MMP26: variants seen among roughly 807,000 people sequenced by gnomAD.
MMP26 encodes the protein matrix metalloproteinase-26.
Under a neutral mutation model 31.0 loss-of-function variants are expected in MMP26, and 33 were observed. The observed-to-expected ratio is 1.06, with a 90% confidence interval of 0.81 to 1.42. MMP26 has a LOEUF of 1.42. MMP26 is among the 40% of genes most tolerant of loss of function. The pLI is 0.00. For missense variants in MMP26, 347 were observed against 316.1 expected (o/e 1.10, Z -0.74); for synonymous variants, 122 against 114.9 (o/e 1.06, Z -0.40).
chr11:4,878,208 G>A (rs1288740611), intron 2 of MMP26: 1 of 152,014 alleles, frequency 6.6e-6, no homozygotes, highest in Non-Finnish European at 1.5e-5. Flanking sequence ...TGCATGTATT[G>A]GTAGTTTATT....
At chr11:4,795,944 T>C (rs1849102564) in intron 2 of MMP26, among the ~76,000 whole-genome samples, 1 of 152,196 alleles carries the variant, frequency 6.6e-6, no homozygotes, top group Non-Finnish European at 1.5e-5. Flanking sequence ...TTTTCATGAT[T>C]CTGCCTCTTT....
intron 2 of MMP26, among the ~76,000 whole-genome samples, chr11:4,843,892 C>G (rs893266476): frequency 6.6e-6 from 1 of 151,818 alleles, no homozygotes; most frequent in Non-Finnish European, 1.5e-5. Context: ...TGGGTGTACA[C>G]CGTTATAAGA....
intron 2 of MMP26, among the ~76,000 whole-genome samples, chr11:4,987,458 G>A (rs1392473383): frequency 1.3e-5 from 2 of 149,998 alleles, no homozygotes; most frequent in Non-Finnish European, 3.0e-5. Flanking sequence ...TCCCTCTGTC[G>A]CCCAGGCTGG....
intron 2 of MMP26, among the ~76,000 whole-genome samples, chr11:4,977,714 A>T (rs571780829): frequency 1.3e-5 from 2 of 152,088 alleles, no homozygotes; most frequent in South Asian, 4.1e-4. Context: ...CAGAAGCGAC[A>T]GGTGAACTGT....
At position 4,940,506 on chromosome 11, in the gene MMP26, T is replaced by G. The variant is rs139928298; in HGVS notation, c.-144-47562T>G. Among the ~76,000 whole-genome samples, 23 of 152,316 alleles carry G rather than the reference T, an allele frequency of 1.5e-4. No individual in the cohort carries two copies. In the East Asian group the frequency reaches 4.4e-3, roughly 29 times the overall value. On this transcript the variant is annotated intron_variant, in intron 2 of 7. Coordinates refer to ENST00000380390, the MANE Select transcript of MMP26 (RefSeq NM_021801.5). ...TTTGTCTTACCATTTTAAATCAGTG[T>G]GATACTTTGCTATAAAATCAGTGAT...
chr11:4,835,042 C>T (rs551057147), intron 2 of MMP26, among the ~76,000 whole-genome samples: 24 of 152,100 alleles, frequency 1.6e-4, no homozygotes, highest in Non-Finnish European at 3.5e-4. Flanking sequence ...AAGTCTTAAG[C>T]CTCTTGGTTA....
chr11:4,721,410 A>G (rs913051507), intron 1 of MMP26, among the ~76,000 whole-genome samples: 6 of 152,110 alleles, frequency 3.9e-5, no homozygotes, highest in African/African-American at 1.2e-4. Context: ...TCTCCTTTCT[A>G]CCAAATATCT....
intron 2 of MMP26, among the ~76,000 whole-genome samples, chr11:4,827,137 T>C (rs1421772582): frequency 6.6e-6 from 1 of 152,152 alleles, no homozygotes; most frequent in Non-Finnish European, 1.5e-5. Context: ...ATGAGTCTGA[T>C]TGCTGTAACA....
intron 1 of MMP26, chr11:4,722,828 G>A (rs1371048659): frequency 7.6e-6 from 7 of 917,460 alleles, no homozygotes; most frequent in Middle Eastern, 3.1e-4. Context: ...AGCTGGTGTG[G>A]CTGAAGGAGC....
intron 1 of MMP26, chr11:4,736,699 G>C (rs568493398): frequency 6.6e-6 from 1 of 152,356 alleles, no homozygotes; most frequent in Admixed American, 6.5e-5. Flanking sequence ...CAAGATGGTA[G>C]TATACCTCGG....
chr11:4,835,893 C>T (rs113045611), intron 2 of MMP26, among the ~76,000 whole-genome samples: 322 of 152,158 alleles, frequency 2.1e-3, no homozygotes, highest in African/African-American at 7.4e-3. Flanking sequence ...TATTGAATAT[C>T]TCTATGTTCC....
chr11:4,927,374 A>G (rs753155435), intron 2 of MMP26, among the ~76,000 whole-genome samples: 2 of 152,186 alleles, frequency 1.3e-5, no homozygotes, highest in Non-Finnish European at 2.9e-5. Context: ...GAATGAAGAG[A>G]AAAGAGATGA....
At chr11:4,885,213 G>T (rs1850531491) in intron 2 of MMP26, among the ~76,000 whole-genome samples, 1 of 151,966 alleles carries the variant, frequency 6.6e-6, no homozygotes, top group African/African-American at 2.4e-5. Context: ...GAGTTTTTCT[G>T]ATTATGAGTG....
chr11:4,908,015 T>A (rs1176570398), intron 2 of MMP26: 1 of 1,614,088 alleles, frequency 6.2e-7, no homozygotes, highest in Non-Finnish European at 8.5e-7. Context: ...GATTGTTTTG[T>A]CTTATGTGCT....
chr11:4,835,704 T>A (rs1234499963), intron 2 of MMP26, among the ~76,000 whole-genome samples: 1 of 152,174 alleles, frequency 6.6e-6, no homozygotes, highest in African/African-American at 2.4e-5. Flanking sequence ...TACCACTGAC[T>A]TATACAGGAC....
At chr11:4,898,825 CTCTCTCTG>C (rs1266176619) in intron 2 of MMP26, among the ~76,000 whole-genome samples, 8 of 51,004 alleles carry the variant, frequency 1.6e-4, no homozygotes, top group East Asian at 1.3e-3. Flanking sequence ...CTCTCTCTCT[CTCTCTCTG>C]TGTGTGTGTG....
intron 1 of MMP26, among the ~76,000 whole-genome samples, chr11:4,766,947 G>C (rs1848639960): frequency 6.6e-6 from 1 of 151,992 alleles, no homozygotes; most frequent in South Asian, 2.1e-4. Flanking sequence ...TGTTCCAGCA[G>C]CTAGCAGGCA....
At chr11:4,890,919 C>A (rs1406785685) in intron 2 of MMP26, among the ~76,000 whole-genome samples, 6 of 150,164 alleles carry the variant, frequency 4.0e-5, no homozygotes, top group Non-Finnish European at 3.0e-5. Context: ...ATTTCAATGA[C>A]AAATTGTATA....
chr11:4,792,529 T>G (rs918468452), intron 2 of MMP26, among the ~76,000 whole-genome samples: 2 of 152,164 alleles, frequency 1.3e-5, no homozygotes, highest in African/African-American at 4.8e-5. Context: ...TCTGTTGTCC[T>G]GAGGAAAGAA....
Sources: gnomAD v4.1 joint callset for allele counts (sites outside exome capture counted in the v4.1 genomes callset) on GRCh38, gnomAD v4.1.1 for gene constraint, MANE v1.5 for transcripts, NCBI Gene and HGNC (gene_info 2026-07-23, HGNC 2026-07-21) for gene names.